TSPAN15: variants seen among roughly 807,000 people sequenced by gnomAD.
The protein encoded by TSPAN15 is tetraspanin-15.
TSPAN15 carries 20 observed loss-of-function variants against 34.5 expected under a neutral mutation model. The observed-to-expected ratio is 0.58, with a 90% CI of 0.41 to 0.84. TSPAN15 has a LOEUF of 0.84. TSPAN15 is among the 40% of genes least tolerant of loss of function. The pLI is 0.00. For missense variants in TSPAN15, 313 were observed against 386.1 expected, an observed-to-expected ratio of 0.81 and a Z score of 1.59; for synonymous variants, 155 against 153.9, an observed-to-expected ratio of 1.01 and a Z score of -0.05.
At chr10:69,476,200 C>T (rs867889780) in intron 1 of TSPAN15, among the ~76,000 whole-genome samples, 2 of 151,902 alleles carry the variant, frequency 1.3e-5, no homozygotes, top group African/African-American at 2.4e-5. Flanking sequence ...ACTTGGCCTA[C>T]CAGATGGCAA....
In TSPAN15 at chr10:69,451,636, C is replaced by G; in HGVS notation, c.42C>G (p.Arg14=). The G allele has an allele frequency of 6.5e-7, 1 of 1,541,558 alleles. No homozygotes were observed. Among genetic ancestry groups the G allele is most frequent in the Non-Finnish European group, 8.8e-7 (1 of 1,142,304 alleles). ...CGGAGCAGGTGCGCTACTGCGCGCGCTTCTCCTACCTCTGGCTCAAGTTTT... is the reference window on the plus strand; with the variant it reads ...CGGAGCAGGTGCGCTACTGCGCGCGGTTCTCCTACCTCTGGCTCAAGTTTT... ...GDSEQVRYCA[R]FSYLWLKFSL... The change falls in exon 1 of 8, where the codon CGC becomes CGG. Residue 14 remains arginine, a synonymous_variant. Coordinates refer to ENST00000373290, the MANE Select transcript of TSPAN15 (RefSeq NM_012339.5).
At chr10:69,492,796 G>A (rs1346349473) in intron 3 of TSPAN15, among the ~76,000 whole-genome samples, 1 of 152,158 alleles carries the variant, frequency 6.6e-6, no homozygotes, top group Admixed American at 6.5e-5. Context: ...CCACCCTGTT[G>A]GCAGCCCTGG....
At chr10:69,545,086 G>A in the TSPAN15 span, among the ~76,000 whole-genome samples, 21 of 152,186 alleles carry the variant, frequency 1.4e-4, no homozygotes, top group Non-Finnish European at 2.6e-4. Context: ...TGGGGGTCCC[G>A]CCTGCTTCTC....
chr10:69,507,492 C>T lies in TSPAN15; in HGVS notation c.*514C>T, dbSNP rs759751315. The T allele has an allele frequency of 9.9e-5, 129 of 1,304,356 alleles. 1 individual carries two copies. The South Asian group carries it at 1.4e-3, about 14-fold the overall frequency. 80.8% of individuals were successfully genotyped at this position (1,304,356 alleles called of 1,614,324 possible). On this transcript the variant is annotated 3_prime_UTR_variant, in exon 8 of 8. Transcript: ENST00000373290. ...GGTGCCTTGAGCCCTCTTGCAAGGG[C>T]GGCTGCTTCCTTGAGCCTAGTTTTT...
downstream of TSPAN15, among the ~76,000 whole-genome samples, chr10:69,511,857 G>T (rs1350086382): frequency 6.6e-6 from 1 of 151,344 alleles, no homozygotes; most frequent in Non-Finnish European, 1.5e-5. Flanking sequence ...ACCAAACACC[G>T]CATGTTCTCA....
chr10:69,506,202 A>G lies in TSPAN15; in HGVS notation c.697A>G (p.Ile233Val). The G allele has an allele frequency of 1.9e-6, 3 of 1,614,204 alleles. No individual in the cohort carries two copies. Among genetic ancestry groups the G allele is most frequent in the South Asian group, 2.2e-5 (2 of 91,084 alleles). The change falls in exon 7 of 8, where the codon ATC (isoleucine) becomes GTC (valine). Residue 233 changes from isoleucine to valine, a missense_variant. By Grantham distance (29) the Ile-to-Val change is conservative (BLOSUM62 3). Transcript: ENST00000373290. This position sits in a 1 kb window ranked among gnomAD's most constrained non-coding sequence, Gnocchi z 4.7. ...CATCTGGTTCATGGACAACTACACC[A>G]TCATGGCGGGCATCCTCCTGGGCAT... ...VIIWFMDNYT[I>V]MAGILLGILL...
At chr10:69,538,608 T>C in the TSPAN15 span, among the ~76,000 whole-genome samples, 38 of 152,330 alleles carry the variant, frequency 2.5e-4, no homozygotes, top group African/African-American at 8.9e-4. Flanking sequence ...GTAAAGTGCA[T>C]CACTCAGCCT....
intron 1 of TSPAN15, among the ~76,000 whole-genome samples, chr10:69,456,670 A>AAGG (rs904523230): frequency 6.6e-6 from 1 of 152,126 alleles, no homozygotes. Flanking sequence ...CCTGACGCCT[A>AAGG]CCCTCTCTGT....
chr10:69,453,646 GAT>G (rs1841022865), intron 1 of TSPAN15, among the ~76,000 whole-genome samples: 1 of 152,240 alleles, frequency 6.6e-6, no homozygotes, highest in African/African-American at 2.4e-5. Context: ...TAGGATTAGT[GAT>G]ATGGGGAAAG....
chr10:69,470,495 C>T (rs1841481491), intron 1 of TSPAN15, among the ~76,000 whole-genome samples: 1 of 152,146 alleles, frequency 6.6e-6, no homozygotes, highest in Admixed American at 6.5e-5. Context: ...CTTCACATGC[C>T]CACTGTGGTC....
intron 1 of TSPAN15, among the ~76,000 whole-genome samples, chr10:69,475,570 G>T (rs941230843): frequency 6.6e-6 from 1 of 152,136 alleles, no homozygotes; most frequent in Non-Finnish European, 1.5e-5. Flanking sequence ...TTCATTTGTG[G>T]TTGTTCTGGA....
intron 1 of TSPAN15, among the ~76,000 whole-genome samples, chr10:69,474,992 A>G (rs1189707732): frequency 6.6e-6 from 1 of 152,068 alleles, no homozygotes; most frequent in African/African-American, 2.4e-5. Flanking sequence ...CTGGGAAGAA[A>G]ATCACCAGAC....
the TSPAN15 span, among the ~76,000 whole-genome samples, chr10:69,528,062 A>G: frequency 0.4 from 59,636 of 147,308 alleles, 15,747 homozygotes; most frequent in African/African-American, 0.57. Context: ...CACTGCACTC[A>G]TGCTATCCGC....
intron 1 of TSPAN15, among the ~76,000 whole-genome samples, chr10:69,457,317 C>A (rs897794881): frequency 6.6e-6 from 1 of 152,174 alleles, no homozygotes; most frequent in African/African-American, 2.4e-5. Flanking sequence ...AGGCGAGGAT[C>A]CAGCTTGGGG....
chr10:69,484,185 TCATTA>T lies in TSPAN15; in HGVS notation c.282+310_282+314del, dbSNP rs1484340706. On this transcript the variant is annotated intron_variant, in intron 2 of 7. Coordinates refer to ENST00000373290, the MANE Select transcript of TSPAN15 (RefSeq NM_012339.5). ...GACAAAAAAAGGAGATGGTAGTGAG[TCATTA>T]GCTCATGCAACCAGCAAACCCACAC... 4 of 256,292 alleles carry T rather than the reference TCATTA, an allele frequency of 1.6e-5. No homozygotes were observed. The East Asian group carries it at 3.1e-4, about 20-fold the overall frequency. The allele number at this position is 256,292 out of a possible 1,614,324, so 15.9% of individuals were successfully genotyped here. A position where few individuals can be genotyped will look rare whatever the true frequency, so the allele number is the denominator to read the frequency against.
Position 69,506,166 on chromosome 10 carries a change from A to G in TSPAN15, c.661A>G (p.Asn221Asp), listed in dbSNP as rs1404593222. 4 of 1,614,060 alleles carry G rather than the reference A, an allele frequency of 2.5e-6. No homozygotes were observed. The highest frequency in any genetic ancestry group is 1.1e-5 in the South Asian group (1 of 91,086). ...TGTCATCTACGTGCGGGGCTGCACC[A>G]ACGCCGTGATCATCTGGTTCATGGA... is the stretch of plus-strand genomic sequence containing the variant. ...QDVIYVRGCT[N>D]AVIIWFMDNY... Residue 221 changes from asparagine to aspartate, a missense_variant, in exon 7 of 8, where the codon AAC becomes GAC. By Grantham distance (23) the Asn-to-Asp change is conservative. Coordinates refer to ENST00000373290, the MANE Select transcript of TSPAN15 (RefSeq NM_012339.5). This position sits in a 1 kb window ranked among gnomAD's most constrained non-coding sequence, Gnocchi z 4.7.
Position 69,483,892 on chromosome 10 carries a change from C to T in TSPAN15, c.282+16C>T. 9 of 1,608,262 alleles carry T rather than the reference C, an allele frequency of 5.6e-6. No individual in the cohort carries two copies. Among genetic ancestry groups the T allele is most frequent in the Non-Finnish European group, 7.6e-6 (9 of 1,176,546 alleles). Reference sequence around the variant, plus strand: ...TCTCCAAGCAGTGAGTGGACCACACCACCCCTCAGCCGGGACTCCCCAGGA... The same window carrying T: ...TCTCCAAGCAGTGAGTGGACCACACTACCCCTCAGCCGGGACTCCCCAGGA... On this transcript the variant is annotated intron_variant, in intron 2 of 7. Coordinates refer to ENST00000373290, the MANE Select transcript of TSPAN15 (RefSeq NM_012339.5).
intron 1 of TSPAN15, among the ~76,000 whole-genome samples, chr10:69,474,467 A>G (rs1481165447): frequency 1.3e-5 from 2 of 152,136 alleles, no homozygotes; most frequent in Non-Finnish European, 2.9e-5. Context: ...ACCTCCTGTC[A>G]TCTCTGTGAG....
At chr10:69,498,426 G>A (rs768686809) in intron 5 of TSPAN15, 30 bp downstream of exon 5, 20 of 1,565,592 alleles carry the variant, frequency 1.3e-5, no homozygotes, top group Non-Finnish European at 1.8e-5. Context: ...GGACTGGGGG[G>A]CTGTCGGGGA....
Sources: gnomAD v4.1 joint callset for allele counts (sites outside exome capture counted in the v4.1 genomes callset) on GRCh38, gnomAD v4.1.1 for gene constraint, Gnocchi (gnomAD v3.1) non-coding constraint, MANE v1.5 for transcripts, NCBI Gene and HGNC (gene_info 2026-07-23, HGNC 2026-07-21) for gene names.